Variants in LOC400499 observed in about 807,000 individuals in gnomAD.
At chr16:11,462,251 G>T in the LOC400499 span, 2 of 1,529,138 alleles carry the variant, frequency 1.3e-6, no homozygotes, top group Middle Eastern at 3.4e-4. Context: ...CTCCAGCTGC[G>T]CCTGGAACCG....
the LOC400499 span, among the ~76,000 whole-genome samples, chr16:11,503,890 G>C: frequency 3.5e-4 from 53 of 152,204 alleles, no homozygotes; most frequent in African/African-American, 1.1e-3. Flanking sequence ...GCCCAGTTTG[G>C]GGCGTCTATC....
chr16:11,504,348 G>C, the LOC400499 span, among the ~76,000 whole-genome samples: 1 of 152,156 alleles, frequency 6.6e-6, no homozygotes, highest in Non-Finnish European at 1.5e-5. Flanking sequence ...TGGAAGTCAG[G>C]AGTTTGAGAC....
the LOC400499 span, chr16:11,469,494 G>T: frequency 2.5e-6 from 1 of 399,098 alleles, no homozygotes; most frequent in East Asian, 3.6e-5. Flanking sequence ...AGCAGGGAGG[G>T]ACGTTGACAT....
chr16:11,431,324 C>G, the LOC400499 span: 1 of 398,264 alleles, frequency 2.5e-6, no homozygotes, highest in Admixed American at 4.4e-5. Context: ...ACAGGATGAC[C>G]TGGGACAAGG....
chr16:11,396,172 AT>A, the LOC400499 span, among the ~76,000 whole-genome samples: 1 of 152,168 alleles, frequency 6.6e-6, no homozygotes, highest in Non-Finnish European at 1.5e-5. Flanking sequence ...AATTATACCC[AT>A]TTTACAGGGG....
the LOC400499 span, among the ~76,000 whole-genome samples, chr16:11,482,884 C>T: frequency 2.0e-5 from 3 of 148,602 alleles, no homozygotes; most frequent in Admixed American, 2.0e-4. Flanking sequence ...AGAACCAGAC[C>T]TCAACTCAAA....
chr16:11,500,399 TA>T, the LOC400499 span, among the ~76,000 whole-genome samples: 1 of 151,940 alleles, frequency 6.6e-6, no homozygotes, highest in Non-Finnish European at 1.5e-5. Context: ...TAGTCCCAGC[TA>T]CTTGGGAGGC....
chr16:11,447,967 G>A, the LOC400499 span: 3 of 1,536,018 alleles, frequency 2.0e-6, no homozygotes, highest in Admixed American at 2.0e-5. Flanking sequence ...CCGGTACAAT[G>A]TCCTGTCTTG....
chr16:11,410,975 A>T, the LOC400499 span, among the ~76,000 whole-genome samples: 1 of 152,228 alleles, frequency 6.6e-6, no homozygotes, highest in Non-Finnish European at 1.5e-5. Context: ...AGGCAATGCC[A>T]GGCGCCAGGC....
At chr16:11,403,310 G>A in the LOC400499 span, among the ~76,000 whole-genome samples, 1 of 152,140 alleles carries the variant, frequency 6.6e-6, no homozygotes, top group African/African-American at 2.4e-5. Flanking sequence ...CCACATGCAG[G>A]GCTAGAACCC....
the LOC400499 span, among the ~76,000 whole-genome samples, chr16:11,462,648 C>T: frequency 6.6e-6 from 1 of 152,076 alleles, no homozygotes; most frequent in African/African-American, 2.4e-5. Context: ...GTCTCAAGGT[C>T]CTGAGCACAA....
chr16:11,391,583 C>A, the LOC400499 span: 3 of 1,140,816 alleles, frequency 2.6e-6, no homozygotes, highest in Non-Finnish European at 3.3e-6. Context: ...GTGCCACAGG[C>A]CAATGTGAGC....
the LOC400499 span, chr16:11,387,037 A>G: frequency 2.6e-6 from 3 of 1,158,676 alleles, no homozygotes; most frequent in Non-Finnish European, 3.3e-6. Flanking sequence ...CTACTAGCCT[A>G]TGGAGGCTTC....
At chr16:11,441,235 G>T in the LOC400499 span, among the ~76,000 whole-genome samples, 2 of 152,182 alleles carry the variant, frequency 1.3e-5, no homozygotes, top group African/African-American at 2.4e-5. Context: ...CAGGAAGCGG[G>T]GATGGGTACA....
the LOC400499 span, chr16:11,457,025 C>T: frequency 5.3e-4 from 813 of 1,527,714 alleles, 7 homozygotes; most frequent in African/African-American, 0.01. Context: ...GCCTCTCAGG[C>T]ACCTGCAGCA....
the LOC400499 span, among the ~76,000 whole-genome samples, chr16:11,401,757 G>A: frequency 6.6e-6 from 1 of 152,244 alleles, no homozygotes; most frequent in African/African-American, 2.4e-5. Flanking sequence ...GCGCCGAGCA[G>A]ATGGGAGGCT....
the LOC400499 span, among the ~76,000 whole-genome samples, chr16:11,435,489 G>A: frequency 6.6e-6 from 1 of 152,222 alleles, no homozygotes; most frequent in East Asian, 1.9e-4. Context: ...AAGTGAAGAA[G>A]TGAACACCAC....
At chr16:11,484,748 A>T in the LOC400499 span, 2 of 397,450 alleles carry the variant, frequency 5.0e-6, no homozygotes, top group African/African-American at 4.1e-5. Flanking sequence ...GATTTGAACC[A>T]GCCACTTAAT....
the LOC400499 span, among the ~76,000 whole-genome samples, chr16:11,416,016 C>T: frequency 2.0e-5 from 3 of 150,106 alleles, no homozygotes; most frequent in African/African-American, 2.5e-5. Flanking sequence ...AGTGCTGTGG[C>T]GTGATCTCGG....
Sources: gnomAD v4.1 joint callset for allele counts (sites outside exome capture counted in the v4.1 genomes callset) on GRCh38, gnomAD v4.1.1 for gene constraint, MANE v1.5 for transcripts.